Variants in CTNNA2 observed in about 807,000 individuals in gnomAD.
CTNNA2 encodes catenin alpha 2.
A neutral mutation model predicts 101.0 loss-of-function variants in CTNNA2; 42 were observed. The ratio of observed to expected loss-of-function variants is 0.42; its 90% CI spans 0.32 to 0.54. CTNNA2 has a LOEUF of 0.54. Among genes scored for constraint, CTNNA2 ranks in the 20% least tolerant of loss-of-function variants. The pLI is 0.14. For missense variants in CTNNA2, 871 were observed against 1,223.1 expected (o/e 0.71, Z 4.29); for synonymous variants, 450 against 456.4 (o/e 0.99, Z 0.18).
chr2:80,478,156 A>AT (rs1685874815), intron 9 of CTNNA2, among the ~76,000 whole-genome samples: 2 of 152,020 alleles, frequency 1.3e-5, no homozygotes, highest in African/African-American at 4.8e-5. Flanking sequence ...GACATTGAGC[A>AT]TTTTTTATAT....
chr2:79,503,326 T>G (rs1289157662), intron 4 of CTNNA2, among the ~76,000 whole-genome samples: 1 of 152,220 alleles, frequency 6.6e-6, no homozygotes, highest in Non-Finnish European at 1.5e-5. Context: ...CTACGTGGTA[T>G]ATGGAAACAC....
intron 9 of CTNNA2, among the ~76,000 whole-genome samples, chr2:80,496,792 T>C (rs1200970238): frequency 6.6e-6 from 1 of 152,250 alleles, no homozygotes; most frequent in African/African-American, 2.4e-5. Context: ...ATCGTTGCAT[T>C]CATAAGGAGA....
chr2:79,858,540 C>T (rs956365314), intron 4 of CTNNA2, among the ~76,000 whole-genome samples: 1 of 152,134 alleles, frequency 6.6e-6, no homozygotes, highest in African/African-American at 2.4e-5. Context: ...TGTGATAGTT[C>T]AGGTTGGGGT....
intron 7 of CTNNA2, among the ~76,000 whole-genome samples, chr2:80,234,378 G>A (rs774646627): frequency 7.2e-5 from 11 of 152,170 alleles, no homozygotes; most frequent in Admixed American, 3.3e-4. Context: ...ATTAATCTTC[G>A]TAGAACCTTT....
intron 7 of CTNNA2, among the ~76,000 whole-genome samples, chr2:80,361,882 C>A (rs1204618812): frequency 3.9e-5 from 6 of 152,042 alleles, no homozygotes; most frequent in Admixed American, 1.3e-4. Context: ...TAAGAGATTG[C>A]AAAGACAAAA....
chr2:79,430,139 T>C (rs982955468), intron 4 of CTNNA2, among the ~76,000 whole-genome samples: 2 of 152,120 alleles, frequency 1.3e-5, no homozygotes, highest in African/African-American at 4.8e-5. Flanking sequence ...TGGGACATTA[T>C]TAGCCCATGT....
chr2:80,617,787 G>A (rs1018701164), intron 17 of CTNNA2, among the ~76,000 whole-genome samples: 5 of 151,628 alleles, frequency 3.3e-5, no homozygotes, highest in Non-Finnish European at 7.4e-5. Flanking sequence ...TAAGAATGAT[G>A]GGCTTAGAAA....
At chr2:80,321,733 A>G (rs1028271194) in intron 7 of CTNNA2, among the ~76,000 whole-genome samples, 1 of 152,204 alleles carries the variant, frequency 6.6e-6, no homozygotes, top group Non-Finnish European at 1.5e-5. Context: ...GCATGCACGC[A>G]TGTACTTGTG....
At chr2:79,581,707 A>G (rs1213096294) in intron 1 of CTNNA2, among the ~76,000 whole-genome samples, 1 of 152,198 alleles carries the variant, frequency 6.6e-6, no homozygotes, top group Non-Finnish European at 1.5e-5. Flanking sequence ...AGAGAAAAAT[A>G]GATTGAAGGT....
chr2:79,337,703 C>A (rs1352440550), intron 3 of CTNNA2, among the ~76,000 whole-genome samples: 5 of 151,922 alleles, frequency 3.3e-5, no homozygotes, highest in African/African-American at 1.2e-4. Context: ...AAGTATTTAT[C>A]AAGTATTTAC....
chr2:80,256,801 T>C (rs1474084109), intron 7 of CTNNA2, among the ~76,000 whole-genome samples: 1 of 152,180 alleles, frequency 6.6e-6, no homozygotes, highest in Non-Finnish European at 1.5e-5. Flanking sequence ...AGCAAAGTTG[T>C]AGGTGAATGA....
chr2:80,611,057 C>T (rs1166933329), intron 17 of CTNNA2, among the ~76,000 whole-genome samples: 1 of 151,184 alleles, frequency 6.6e-6, no homozygotes. Context: ...AAGTGACATT[C>T]TTATTAAATC....
intron 7 of CTNNA2, among the ~76,000 whole-genome samples, chr2:80,045,606 C>A (rs1012932443): frequency 2.0e-5 from 3 of 152,192 alleles, no homozygotes; most frequent in African/African-American, 7.2e-5. Flanking sequence ...CATTTCCCTA[C>A]TCCCACATCA....
At chr2:79,258,845 C>CAA (rs869066159) in intron 2 of CTNNA2, among the ~76,000 whole-genome samples, 3,176 of 91,130 alleles carry the variant, frequency 0.035, 226 homozygotes, top group East Asian at 0.066. Context: ...AATCCTCTAC[C>CAA]AAAAAAAAAA....
At chr2:79,453,333 C>G (rs1055158757) in intron 4 of CTNNA2, among the ~76,000 whole-genome samples, 8 of 152,056 alleles carry the variant, frequency 5.3e-5, no homozygotes, top group African/African-American at 1.4e-4. Context: ...GCAAGGTAGG[C>G]AGTATCATTT....
chr2:79,525,288 A>C lies in CTNNA2; in HGVS notation c.-6+12081A>C, dbSNP rs1558698618. Among the ~76,000 whole-genome samples, 3 of 151,964 alleles carry C rather than the reference A, an allele frequency of 2.0e-5. No individual in the cohort carries two copies. In the South Asian group the frequency reaches 6.2e-4, roughly 31 times the overall value. On this transcript the variant is annotated intron_variant, in intron 1 of 18. Transcript: ENST00000402739. ...TAAGATCTTCTTATTCAAACCTGAG[A>C]GGAAGCTTAACATGGGTAGTATTTT...
chr2:79,299,870 A>G (rs561056981), intron 2 of CTNNA2, among the ~76,000 whole-genome samples: 53 of 152,352 alleles, frequency 3.5e-4, no homozygotes, highest in Admixed American at 1.3e-3. Context: ...TAAATTAGAA[A>G]CAGATGTAGG....
rs543322656 is a variant in CTNNA2, at chr2:80,478,779, C to G, written c.1290+59178C>G. Among the ~76,000 whole-genome samples the G allele has an allele frequency of 3.9e-5, 6 of 152,106 alleles. No homozygotes were observed. In the South Asian group the frequency reaches 1.2e-3, roughly 32 times the overall value. On this transcript the variant is annotated intron_variant, in intron 9 of 18. Coordinates refer to ENST00000402739, the MANE Select transcript of CTNNA2 (RefSeq NM_001282597.3). The stretch of plus-strand genomic sequence containing the variant: ...TATCAAGCTGTTTTGGTTACTATAG[C>G]CTTGTAATAATTTGACGTAATTAGG...
intron 2 of CTNNA2, among the ~76,000 whole-genome samples, chr2:79,262,493 G>T (rs1257613953): frequency 6.6e-6 from 1 of 151,938 alleles, no homozygotes; most frequent in African/African-American, 2.4e-5. Context: ...AAAAGTTATT[G>T]TATTATTCTT....
Sources: allele counts gnomAD v4.1 joint callset (sites outside exome capture counted in the v4.1 genomes callset), GRCh38; gene constraint gnomAD v4.1.1; transcripts MANE v1.5; gene names NCBI Gene and HGNC (gene_info 2026-07-23, HGNC 2026-07-21).